The following JAKMIP2 variants were observed in gnomAD, a reference collection of about 807,000 sequenced individuals.
The protein encoded by JAKMIP2 is janus kinase and microtubule-interacting protein 2.
Under a neutral mutation model 115.0 loss-of-function variants are expected in JAKMIP2, and 25 were observed. The ratio of observed to expected loss-of-function variants is 0.22; its 90% CI spans 0.16 to 0.30. JAKMIP2 has a LOEUF of 0.30. Ranked by LOEUF, JAKMIP2 falls within the 10% of genes least tolerant of loss-of-function variation. JAKMIP2 has a pLI of 1.00. For missense variants in JAKMIP2, 642 were observed against 957.6 expected, an observed-to-expected ratio of 0.67 and a Z score of 4.35; for synonymous variants, 334 against 343.6, an observed-to-expected ratio of 0.97 and a Z score of 0.31.
intron 1 of JAKMIP2, among the ~76,000 whole-genome samples, chr5:147,748,143 A>G (rs1754417566): frequency 1.3e-5 from 2 of 152,204 alleles, no homozygotes; most frequent in Non-Finnish European, 2.9e-5. Context: ...CAGGGTTCAA[A>G]TCCTGGCTCT....
In JAKMIP2 at chr5:147,754,870, C is replaced by A. The variant is rs79368149; in HGVS notation, c.-149+27586G>T. On this transcript the variant is annotated intron_variant, in intron 1 of 21. Transcript: ENST00000616793. ...TGCTATCACAAGGTAGGGTGAGCAA[C>A]ATGTGGACATAAAATATTGTGGTTT... 2.8e-3 allele frequency among the ~76,000 whole-genome samples: 433 copies of A among 152,234 alleles called. 2 individuals are homozygous for A. The highest frequency in any genetic ancestry group is 9.6e-3 in the African/African-American group (400 of 41,552).
chr5:147,595,020 C>T (rs1755298192), intron 21 of JAKMIP2, among the ~76,000 whole-genome samples: 1 of 151,774 alleles, frequency 6.6e-6, no homozygotes, highest in Admixed American at 6.6e-5. Flanking sequence ...GAAATGTGGT[C>T]CCAGAAGATG....
chr5:147,726,918 CA>C (rs1753542867), intron 1 of JAKMIP2, among the ~76,000 whole-genome samples: 1 of 152,228 alleles, frequency 6.6e-6, no homozygotes, highest in African/African-American at 2.4e-5. Flanking sequence ...TTTGCAAGCT[CA>C]AAATTGGCTG....
chr5:147,743,002 T>C, intron 1 of JAKMIP2, among the ~76,000 whole-genome samples: 1 of 152,214 alleles, frequency 6.6e-6, no homozygotes, highest in East Asian at 1.9e-4. Context: ...TAATCTGCAA[T>C]GTTAGGCTTT....
At chr5:147,681,298 A>AGTATT (rs1218251426) in intron 1 of JAKMIP2, among the ~76,000 whole-genome samples, 1 of 152,188 alleles carries the variant, frequency 6.6e-6, no homozygotes, top group African/African-American at 2.4e-5. Flanking sequence ...CAAAGCAAGT[A>AGTATT]GTATTCATCC....
chr5:147,741,884 T>G (rs1291785329), intron 1 of JAKMIP2, among the ~76,000 whole-genome samples: 1 of 152,016 alleles, frequency 6.6e-6, no homozygotes, highest in African/African-American at 2.4e-5. Flanking sequence ...TGCTGCTCTA[T>G]GTCCCAACCT....
intron 20 of JAKMIP2, among the ~76,000 whole-genome samples, chr5:147,610,820 T>G (rs1581282105): frequency 6.6e-6 from 1 of 152,204 alleles, no homozygotes; most frequent in African/African-American, 2.4e-5. Context: ...CCCAGGAAGA[T>G]GGGAGTTTTA....
intron 12 of JAKMIP2, 93 bp downstream of exon 12, chr5:147,636,129 G>A: frequency 1.0e-6 from 1 of 992,240 alleles, no homozygotes; most frequent in Non-Finnish European, 1.6e-6. Flanking sequence ...CCCTTCCCCT[G>A]GCCCCTGTGC....
rs545733607 is a variant in JAKMIP2, at chr5:147,620,557, C to T, written c.2142+109G>A. 9.8e-5 allele frequency: 60 copies of T among 615,378 alleles called. No individual in the cohort carries two copies. The African/African-American group carries it at 1.0e-3, about 11-fold the overall frequency. The allele number at this position is 615,378 out of a possible 1,614,324, so 38.1% of individuals were successfully genotyped here. ...TGAAAACCAGTAAATGAATGAACTGCATGTCGTGATCTATTCAAGTACATA... is the reference window on the plus strand; with the variant it reads ...TGAAAACCAGTAAATGAATGAACTGTATGTCGTGATCTATTCAAGTACATA... On this transcript the variant is annotated intron_variant, in intron 18 of 21. Coordinates refer to ENST00000616793, the MANE Select transcript of JAKMIP2 (RefSeq NM_001270941.2).
At chr5:147,594,875 A>AT (rs1448987021) in intron 21 of JAKMIP2, among the ~76,000 whole-genome samples, 1 of 152,200 alleles carries the variant, frequency 6.6e-6, no homozygotes, top group East Asian at 1.9e-4. Context: ...TAATTGGTCC[A>AT]TAAAAATCCT....
intron 4 of JAKMIP2, among the ~76,000 whole-genome samples, chr5:147,649,318 A>G (rs920232824): frequency 6.6e-6 from 1 of 152,218 alleles, no homozygotes; most frequent in Non-Finnish European, 1.5e-5. Flanking sequence ...ATGTCAAAAG[A>G]TAAGTAACTA....
chr5:147,703,875 A>G (rs941122848), intron 1 of JAKMIP2, among the ~76,000 whole-genome samples: 8 of 151,994 alleles, frequency 5.3e-5, no homozygotes, highest in Non-Finnish European at 8.8e-5. Context: ...TTTCTTTTTT[A>G]TATCTTATTC....
chr5:147,640,456 C>G (rs1028278125), intron 9 of JAKMIP2, among the ~76,000 whole-genome samples: 9 of 152,140 alleles, frequency 5.9e-5, no homozygotes, highest in Non-Finnish European at 1.3e-4. Context: ...TGGAAAGTAA[C>G]TTTTATTTTG....
chr5:147,698,794 C>T (rs1401626882), intron 1 of JAKMIP2, among the ~76,000 whole-genome samples: 2 of 152,166 alleles, frequency 1.3e-5, no homozygotes, highest in African/African-American at 4.8e-5. Context: ...ATAAACTACC[C>T]AGTCTCAGGT....
At chr5:147,722,943 A>C (rs930113699) in intron 1 of JAKMIP2, among the ~76,000 whole-genome samples, 1 of 152,146 alleles carries the variant, frequency 6.6e-6, no homozygotes, top group African/African-American at 2.4e-5. Flanking sequence ...AAACTAGTAT[A>C]GTTACACAAC....
intron 1 of JAKMIP2, among the ~76,000 whole-genome samples, chr5:147,723,472 G>T (rs949158738): frequency 2.0e-5 from 3 of 152,052 alleles, no homozygotes; most frequent in African/African-American, 7.2e-5. Flanking sequence ...CTATTAACAT[G>T]AATTTTGTGC....
intron 1 of JAKMIP2, among the ~76,000 whole-genome samples, chr5:147,744,600 T>C (rs1277076525): frequency 1.3e-5 from 2 of 152,216 alleles, no homozygotes; most frequent in Non-Finnish European, 2.9e-5. Context: ...CAAAAATAAT[T>C]ACAGCATTTA....
chr5:147,765,026 GAGAGAGAA>G (rs1467471459), intron 1 of JAKMIP2, among the ~76,000 whole-genome samples: 16 of 126,272 alleles, frequency 1.3e-4, no homozygotes, highest in Non-Finnish European at 2.6e-4. Flanking sequence ...GAGACAGAGA[GAGAGAGAA>G]AGAAAGAAAG....
chr5:147,586,436 A>G lies in JAKMIP2; in HGVS notation c.*5271T>C, dbSNP rs1331203026. 3 of 152,028 alleles carry G rather than the reference A, an allele frequency of 2.0e-5. No individual in the cohort carries two copies. Among genetic ancestry groups the G allele is most frequent in the Non-Finnish European group, 1.5e-5 (1 of 68,028 alleles). The allele number at this position is 152,028 out of a possible 1,614,324, so 9.4% of individuals were successfully genotyped here. A position where few individuals can be genotyped will look rare whatever the true frequency, so the allele number is the denominator to read the frequency against. On this transcript the variant is annotated 3_prime_UTR_variant, in exon 22 of 22. Transcript: ENST00000616793. ...GTGTTGTTACTAACAGATGCTGGGG[A>G]TCTGTTTTAGTTGGAAAATTGCATC... is the stretch of plus-strand genomic sequence containing the variant.
Sources: gnomAD v4.1 joint callset for allele counts (sites outside exome capture counted in the v4.1 genomes callset) on GRCh38, gnomAD v4.1.1 for gene constraint, MANE v1.5 for transcripts, NCBI Gene and HGNC (gene_info 2026-07-23, HGNC 2026-07-21) for gene names.